Variants in NKAIN1 observed in about 807,000 individuals in gnomAD.
NKAIN1 encodes the protein sodium/potassium transporting ATPase interacting 1.
Under a neutral mutation model 31.6 loss-of-function variants are expected in NKAIN1, and 13 were observed. The ratio of observed to expected loss-of-function variants is 0.41; its 90% CI spans 0.27 to 0.65. The LOEUF is 0.65. Among genes scored for constraint, NKAIN1 ranks in the 30% least tolerant of loss-of-function variants. The probability of loss-of-function intolerance (pLI) is 0.30; values close to 1 mark genes in which losing one functional copy is unlikely to be tolerated. For missense variants in NKAIN1, 193 were observed against 262.2 expected (o/e 0.74, Z 1.82); for synonymous variants, 104 against 109.0 (o/e 0.95, Z 0.28).
intron 1 of NKAIN1, among the ~76,000 whole-genome samples, chr1:31,218,071 T>TCTTTCTTTCTCTTTCTTTCTTTCTTTC (rs201070152): frequency 7.5e-6 from 1 of 133,616 alleles, no homozygotes; most frequent in African/African-American, 2.8e-5. Flanking sequence ...TTTCTTTCTT[T>TCTTTCTTTCTCTTTCTTTCTTTCTTTC]TTTTTTTTTG....
chr1:31,197,381 G>A (rs1481740732), intron 1 of NKAIN1, among the ~76,000 whole-genome samples: 1 of 151,992 alleles, frequency 6.6e-6, no homozygotes, highest in Non-Finnish European at 1.5e-5. Context: ...AAAGTGCTGG[G>A]ATTACAGGCG....
intron 1 of NKAIN1, among the ~76,000 whole-genome samples, chr1:31,191,526 T>G (rs1297202004): frequency 6.6e-6 from 1 of 151,578 alleles, no homozygotes; most frequent in Non-Finnish European, 1.5e-5. Flanking sequence ...TTTCTTCAAC[T>G]ATAAATAGAG....
chr1:31,218,213 C>T (rs1645533214), intron 1 of NKAIN1, among the ~76,000 whole-genome samples: 1 of 151,950 alleles, frequency 6.6e-6, no homozygotes, highest in Admixed American at 6.6e-5. Context: ...CAGGTGCACA[C>T]TGCCATGCCT....
intron 1 of NKAIN1, among the ~76,000 whole-genome samples, chr1:31,224,016 CAGACAGCTCTCCTCCCTAGCCTTATCA>C (rs1223003773): frequency 1.3e-5 from 2 of 152,228 alleles, no homozygotes; most frequent in African/African-American, 4.8e-5. Context: ...GTATGCAAGA[CAGACAGCTCTCCTCCCTAGCCTTATCA>C]ATTGCTTGAA....
Position 31,189,413 on chromosome 1 carries a change from T to G in NKAIN1, c.55-1226A>C, listed in dbSNP as rs139923579. Among the ~76,000 whole-genome samples the G allele has an allele frequency of 4.1e-3, 618 of 152,172 alleles. 38 individuals carry two copies. In the East Asian group the frequency reaches 0.099, roughly 24 times the overall value. ...CTCACTGCAACATCCACCTGCCAGG[T>G]TCAAGCAATTCTCCTGCCTCAGCCT... On this transcript the variant is annotated intron_variant, in intron 1 of 6. Coordinates refer to ENST00000373736, the MANE Select transcript of NKAIN1 (RefSeq NM_024522.3).
intron 1 of NKAIN1, among the ~76,000 whole-genome samples, chr1:31,206,438 A>C (rs1364819462): frequency 6.6e-6 from 1 of 151,564 alleles, no homozygotes; most frequent in Non-Finnish European, 1.5e-5. Flanking sequence ...TATTTATTTT[A>C]TGTATTTAGT....
intron 1 of NKAIN1, among the ~76,000 whole-genome samples, chr1:31,221,759 C>T (rs1360456809): frequency 6.6e-6 from 1 of 152,112 alleles, no homozygotes; most frequent in Non-Finnish European, 1.5e-5. Flanking sequence ...CAACAAACCT[C>T]CAAGTGCTTT....
intron 1 of NKAIN1, among the ~76,000 whole-genome samples, chr1:31,220,338 T>C (rs1645554147): frequency 6.6e-6 from 1 of 152,014 alleles, no homozygotes; most frequent in Non-Finnish European, 1.5e-5. Context: ...TTTTACGATC[T>C]TCTTTTCCTG....
chr1:31,185,139 G>C (rs1645232797), intron 3 of NKAIN1, 108 bp downstream of exon 3: 1 of 835,294 alleles, frequency 1.2e-6, no homozygotes, highest in East Asian at 2.7e-5. Context: ...TAAGGAGAGA[G>C]AGACTTCTTC....
intron 2 of NKAIN1, among the ~76,000 whole-genome samples, chr1:31,187,356 G>A (rs1017637471): frequency 1.3e-5 from 2 of 152,170 alleles, no homozygotes; most frequent in Non-Finnish European, 2.9e-5. Context: ...AGACTATCAG[G>A]GACCAGGACT....
At chr1:31,228,443 G>A (rs1645623985) in intron 1 of NKAIN1, among the ~76,000 whole-genome samples, 1 of 152,088 alleles carries the variant, frequency 6.6e-6, no homozygotes, top group African/African-American at 2.4e-5. Context: ...GTATGCTAAG[G>A]AGAGGGGACA....
intron 1 of NKAIN1, among the ~76,000 whole-genome samples, chr1:31,190,106 TGGCTG>T (rs1275203865): frequency 6.6e-6 from 1 of 152,204 alleles, no homozygotes; most frequent in African/African-American, 2.4e-5. Context: ...GAAGAGGGTC[TGGCTG>T]GGGAGGGGGA....
rs1392471849 is a variant in NKAIN1, at chr1:31,181,285, C to G, written c.*418G>C. On this transcript the variant is annotated 3_prime_UTR_variant, in exon 7 of 7. Coordinates refer to ENST00000373736, the MANE Select transcript of NKAIN1 (RefSeq NM_024522.3). ...CCTGCTCCTAGTTCACAGTAGCTTT[C>G]CCCAGAGCTGGTGAGTGAGTGTGGT... 5.4e-6 allele frequency: 1 copy of G among 183,688 alleles called. No homozygotes were observed. The highest frequency in any genetic ancestry group is 1.1e-5 in the Non-Finnish European group (1 of 89,196). 11.4% of individuals were successfully genotyped at this position (183,688 alleles called of 1,614,324 possible). A position where few individuals can be genotyped will look rare whatever the true frequency, so the allele number is the denominator to read the frequency against.
intron 1 of NKAIN1, among the ~76,000 whole-genome samples, chr1:31,200,437 T>C (rs1216058301): frequency 9.3e-5 from 14 of 150,442 alleles, no homozygotes; most frequent in African/African-American, 3.4e-4. Flanking sequence ...ACAACAAAGT[T>C]GGACCAGAAG....
intron 1 of NKAIN1, among the ~76,000 whole-genome samples, chr1:31,208,091 A>G (rs1487416850): frequency 2.6e-5 from 4 of 152,034 alleles, no homozygotes; most frequent in Non-Finnish European, 5.9e-5. Context: ...AACTCTCCCA[A>G]TGGATCCGCT....
At chr1:31,209,090 C>G (rs998554514) in intron 1 of NKAIN1, among the ~76,000 whole-genome samples, 7 of 152,124 alleles carry the variant, frequency 4.6e-5, no homozygotes, top group African/African-American at 1.7e-4. Flanking sequence ...GAAATGCAGC[C>G]CAGGGCTGGA....
At chr1:31,232,424 T>TATAG (rs1313157898) in intron 1 of NKAIN1, among the ~76,000 whole-genome samples, 2 of 16,922 alleles carry the variant, frequency 1.2e-4, no homozygotes, top group African/African-American at 1.7e-4. Flanking sequence ...TATATATATA[T>TATAG]AGAGAGAGAG....
intron 1 of NKAIN1, among the ~76,000 whole-genome samples, chr1:31,192,793 G>A (rs1428545701): frequency 1.3e-5 from 2 of 151,894 alleles, no homozygotes. Context: ...GGCTCATGTG[G>A]TCCACCCACC....
chr1:31,216,251 G>C (rs564590045), intron 1 of NKAIN1, among the ~76,000 whole-genome samples: 2 of 152,228 alleles, frequency 1.3e-5, no homozygotes, highest in South Asian at 4.1e-4. Context: ...CGTGGGAGCA[G>C]GAGTGGAGCG....
Sources: allele counts gnomAD v4.1 joint callset (sites outside exome capture counted in the v4.1 genomes callset), GRCh38; gene constraint gnomAD v4.1.1; transcripts MANE v1.5; gene names NCBI Gene and HGNC (gene_info 2026-07-23, HGNC 2026-07-21).